The following NPAS4 variants were observed in gnomAD, a reference collection of about 807,000 sequenced individuals.
NPAS4 encodes the protein neuronal PAS domain protein 4.
NPAS4 carries 10 observed loss-of-function variants against 64.0 expected under a neutral mutation model. The ratio of observed to expected loss-of-function variants is 0.16; its 90% CI spans 0.10 to 0.26. NPAS4 has a LOEUF of 0.26. NPAS4 is among the 10% of genes least tolerant of loss of function. The pLI is 1.00. For synonymous variants in NPAS4, 441 were observed against 411.7 expected, an observed-to-expected ratio of 1.07 and a Z score of -0.86; for missense variants, 886 against 992.6, an observed-to-expected ratio of 0.89 and a Z score of 1.44.
In NPAS4 at chr11:66,424,791, G is replaced by A. The variant is rs762890272; in HGVS notation, c.1901G>A (p.Arg634His). 38 of 1,613,712 alleles carry A rather than the reference G, an allele frequency of 2.4e-5. No homozygotes were observed. Among genetic ancestry groups the A allele is most frequent in the East Asian group, 6.7e-5 (3 of 44,892 alleles). ...YSEKEQNEIDRLIQQISQLAQ... is the reference protein window; with the variant it reads ...YSEKEQNEIDHLIQQISQLAQ... The stretch of plus-strand genomic sequence containing the variant: ...GAAAAGGAGCAGAATGAGATAGACC[G>A]TCTCATCCAGCAGATTAGCCAATTG... Residue 634 changes from arginine (R) to histidine (H), a missense_variant, in exon 7 of 8, where the codon CGT becomes CAT. Physicochemically the swap from Arg to His is conservative, Grantham distance 29. Around this residue, in one of 3 missense-constraint regions of NPAS4, gnomAD observed 820 missense variants for 855.5 expected, o/e 0.96. Coordinates refer to ENST00000311034, the MANE Select transcript of NPAS4 (RefSeq NM_178864.4).
At position 66,426,079 on chromosome 11, in the gene NPAS4, T is replaced by C; in HGVS notation, c.*90T>C. On this transcript the variant is annotated 3_prime_UTR_variant, in exon 8 of 8. Transcript: ENST00000311034. ...ACCCCCCCGGGACTGTTGGGGGGAT[T>C]CTGAGGGCCAGAGGGGGATATATAT... is the stretch of plus-strand genomic sequence containing the variant. 1.0e-6 allele frequency: 1 copy of C among 976,486 alleles called. No individual in the cohort carries two copies. Among genetic ancestry groups the C allele is most frequent in the East Asian group, 2.5e-5 (1 of 39,992 alleles). The allele number at this position is 976,486 out of a possible 1,614,324, so 60.5% of individuals were successfully genotyped here.
At chr11:66,423,080 C>T in intron 4 of NPAS4, 43 bp from the exon 5 acceptor site, 1 of 1,520,100 alleles carries the variant, frequency 6.6e-7, no homozygotes, top group African/African-American at 1.4e-5. Context: ...GGGTATCAAG[C>T]AAGGAAAACA....
Position 66,422,544 on chromosome 11 carries a change from C to G in NPAS4, c.421C>G (p.Leu141Val), listed in dbSNP as rs748191401. The G allele has an allele frequency of 1.2e-6, 2 of 1,613,330 alleles. No individual in the cohort carries two copies. The highest frequency in any genetic ancestry group is 2.7e-5 in the African/African-American group (2 of 74,894). The change falls in exon 3 of 8, where the codon CTG becomes GTG. Residue 141 changes from leucine to valine, a missense_variant. This residue lies in a region of NPAS4 where 820 missense variants were observed against 855.5 expected (regional missense o/e 0.96). Coordinates refer to ENST00000311034, the MANE Select transcript of NPAS4 (RefSeq NM_178864.4). Reference protein sequence around the residue: ...VRQQLTLPSALDTDRLFRCRF... With the variant: ...VRQQLTLPSAVDTDRLFRCRF... Reference sequence around the variant, plus strand: ...CCAGCAACTCACCCTGCCCTCTGCCCTGGACACTGGTAAGGACTCCCTTCT... The same window carrying G: ...CCAGCAACTCACCCTGCCCTCTGCCGTGGACACTGGTAAGGACTCCCTTCT...
chr11:66,426,287 C>T lies in NPAS4; in HGVS notation c.*298C>T. The stretch of plus-strand genomic sequence containing the variant: ...ATGGGGGAGTCTCACTTCCCCGCCG[C>T]CTTGCCCCATTGGCCTGGGCCAGTT... On this transcript the variant is annotated 3_prime_UTR_variant, in exon 8 of 8. Transcript: ENST00000311034. 2.8e-6 allele frequency: 1 copy of T among 363,314 alleles called. No homozygotes were observed. The highest frequency in any genetic ancestry group is 5.2e-6 in the Non-Finnish European group (1 of 193,282). 22.5% of individuals were successfully genotyped at this position (363,314 alleles called of 1,614,324 possible).
chr11:66,425,792 T>A (rs1459895906), intron 7 of NPAS4, among the ~76,000 whole-genome samples, 169 bp from the exon 8 acceptor site: 1 of 152,226 alleles, frequency 6.6e-6, no homozygotes, highest in Admixed American at 6.5e-5. Flanking sequence ...AGCCACAGTT[T>A]CACTCCGTCC....
At chr11:66,425,696 T>C (rs1856829898) in intron 7 of NPAS4, among the ~76,000 whole-genome samples, 1 of 152,208 alleles carries the variant, frequency 6.6e-6, no homozygotes, top group African/African-American at 2.4e-5. Context: ...CAAGAATTTA[T>C]GCAAGTTGGT....
chr11:66,423,094 A>G (rs185932785), intron 4 of NPAS4, 29 bp from the exon 5 acceptor site: 1 of 1,549,448 alleles, frequency 6.5e-7, no homozygotes, highest in Admixed American at 1.8e-5. Flanking sequence ...GAAAACAGAA[A>G]GCTGACCTCA....
chr11:66,423,569 T>C lies in NPAS4; in HGVS notation c.809-9T>C. 6.2e-7 allele frequency: 1 copy of C among 1,613,828 alleles called. No homozygotes were observed. Among genetic ancestry groups the C allele is most frequent in the South Asian group, 1.1e-5 (1 of 91,060 alleles). On this transcript the variant is annotated splice_polypyrimidine_tract_variant and intron_variant, in intron 5 of 7. Coordinates refer to ENST00000311034, the MANE Select transcript of NPAS4 (RefSeq NM_178864.4). ...GGACATCCTAACTCTGCATCTTCTTTCTCCCCAGTGGCTGAGAGTGGAGAT... is the reference window on the plus strand; with the variant it reads ...GGACATCCTAACTCTGCATCTTCTTCCTCCCCAGTGGCTGAGAGTGGAGAT...
chr11:66,418,354 C>T (rs578036935), upstream of NPAS4, among the ~76,000 whole-genome samples: 4 of 152,256 alleles, frequency 2.6e-5, no homozygotes, highest in East Asian at 5.8e-4. Context: ...GTGTGCCAGC[C>T]GCCCCCCTCC....
At position 66,421,254 on chromosome 11, in the gene NPAS4, G is replaced by A. The variant is rs141939779; in HGVS notation, c.75G>A (p.Glu25=). The change falls in exon 1 of 8, where the codon GAG becomes GAA. Residue 25 remains glutamate, a synonymous_variant. Transcript: ENST00000311034. ...ACGCCGAGATCCGGAACCTCAAGGA[G>A]CTGCTGCCGCTGGCCGAAGCGGACA... ...QINAEIRNLK[E]LLPLAEADKV... 1 of 1,613,936 alleles carries A rather than the reference G, an allele frequency of 6.2e-7. No homozygotes were observed. The highest frequency in any genetic ancestry group is 8.5e-7 in the Non-Finnish European group (1 of 1,179,990).
chr11:66,426,070 TGGG>T lies in NPAS4; in HGVS notation c.*85_*87del. 1 of 922,216 alleles carries T rather than the reference TGGG, an allele frequency of 1.1e-6. No homozygotes were observed. Among genetic ancestry groups the T allele is most frequent in the Non-Finnish European group, 1.7e-6 (1 of 596,838 alleles). The allele number at this position is 922,216 out of a possible 1,614,324, so 57.1% of individuals were successfully genotyped here. A position where few individuals can be genotyped will look rare whatever the true frequency, so the allele number is the denominator to read the frequency against. On this transcript the variant is annotated 3_prime_UTR_variant, in exon 8 of 8. Coordinates refer to ENST00000311034, the MANE Select transcript of NPAS4 (RefSeq NM_178864.4). ...CCGCTCTCCACCCCCCCGGGACTGT[TGGG>T]GGGATTCTGAGGGCCAGAGGGGGAT...
At position 66,423,615 on chromosome 11, in the gene NPAS4, G is replaced by T. The variant is rs1207751480; in HGVS notation, c.846G>T (p.Val282=). ...GAGATATTCAGGCAGAGATGGTGGTGAGGCTACAGGCCAAGACTGGAGGCT... is the reference window on the plus strand; with the variant it reads ...GAGATATTCAGGCAGAGATGGTGGTTAGGCTACAGGCCAAGACTGGAGGCT... ...ESGDIQAEMV[V]RLQAKTGGWA... The change falls in exon 6 of 8, where the codon GTG becomes GTT. Residue 282 remains valine, a synonymous_variant. Coordinates refer to ENST00000311034, the MANE Select transcript of NPAS4 (RefSeq NM_178864.4). 1 of 1,614,058 alleles carries T rather than the reference G, an allele frequency of 6.2e-7. No homozygotes were observed. Among genetic ancestry groups the T allele is most frequent in the African/African-American group, 1.3e-5 (1 of 74,910 alleles).
the NPAS4 span, among the ~76,000 whole-genome samples, chr11:66,412,770 G>A: frequency 3.0e-4 from 46 of 152,328 alleles, no homozygotes; most frequent in Admixed American, 4.6e-4. Context: ...ATGTCACAAA[G>A]GCAGTCTGTG....
At position 66,423,203 on chromosome 11, in the gene NPAS4, C is replaced by G; in HGVS notation, c.779C>G (p.Ala260Gly). ...GGACTGCTGCACCCCGAGGACCTGGCCCACGCTTCTGCTCAACACTACCGC... is the reference window on the plus strand; with the variant it reads ...GGACTGCTGCACCCCGAGGACCTGGGCCACGCTTCTGCTCAACACTACCGC... The part of the protein sequence containing the change: ...WYGLLHPEDL[A>G]HASAQHYRLL... The change falls in exon 5 of 8, where the codon GCC (alanine) becomes GGC (glycine). Residue 260 changes from alanine (A) to glycine (G), a missense_variant. Around this residue, in one of 3 missense-constraint regions of NPAS4, gnomAD observed 820 missense variants for 855.5 expected, o/e 0.96. Transcript: ENST00000311034. 1 of 1,609,102 alleles carries G rather than the reference C, an allele frequency of 6.2e-7. No homozygotes were observed. Among genetic ancestry groups the G allele is most frequent in the Non-Finnish European group, 8.5e-7 (1 of 1,177,022 alleles).
chr11:66,411,536 G>C, the NPAS4 span, among the ~76,000 whole-genome samples: 1 of 152,336 alleles, frequency 6.6e-6, no homozygotes, highest in South Asian at 2.1e-4. Flanking sequence ...TTGGCAGAAG[G>C]CTCTCCCAAC....
upstream of NPAS4, among the ~76,000 whole-genome samples, chr11:66,419,534 T>G (rs189646779): frequency 3.3e-3 from 500 of 152,276 alleles, 5 homozygotes; most frequent in Admixed American, 5.4e-3. Flanking sequence ...GCCACTTAAG[T>G]GATTCCATGC....
In NPAS4 at chr11:66,423,106, C is replaced by G. The variant is rs745386566; in HGVS notation, c.699-17C>G. 2.5e-5 allele frequency: 39 copies of G among 1,573,880 alleles called. No individual in the cohort carries two copies. The highest frequency in any genetic ancestry group is 3.2e-5 in the Non-Finnish European group (37 of 1,149,430). On this transcript the variant is annotated splice_polypyrimidine_tract_variant and intron_variant, in intron 4 of 7. Transcript: ENST00000311034. The stretch of plus-strand genomic sequence containing the variant: ...AAGGAAAACAGAAAGCTGACCTCAC[C>G]CTTTCCACCTTCCCAGTGTCCTAAT...
rs1265723207 is a variant in NPAS4 at position 66,424,880 on chromosome 11, G to A, written c.1990G>A (p.Gly664Arg). 6.2e-7 allele frequency: 1 copy of A among 1,613,260 alleles called. No individual in the cohort carries two copies. Among genetic ancestry groups the A allele is most frequent in the Non-Finnish European group, 8.5e-7 (1 of 1,179,742 alleles). The change falls in exon 7 of 8, where the codon GGA becomes AGA. Residue 664 changes from glycine (G) to arginine (R), a missense_variant. This residue lies in a region of NPAS4 where 820 missense variants were observed against 855.5 expected (regional missense o/e 0.96). Coordinates refer to ENST00000311034, the MANE Select transcript of NPAS4 (RefSeq NM_178864.4). ...AGTGGLEPLG[G>R]LEPLDSNLSL... is the part of the protein sequence containing the mutation. ...CACTGGCGGACTAGAGCCACTTGGA[G>A]GACTGGAGCCCCTGGACTCCAACCT...
intron 5 of NPAS4, 143 bp from the exon 6 acceptor site, chr11:66,423,435 G>T (rs1463431752): frequency 3.0e-6 from 3 of 988,350 alleles, no homozygotes; most frequent in Non-Finnish European, 4.6e-6. Flanking sequence ...TGAGGTCAAG[G>T]TAGAGAGCTG....
Sources: gnomAD v4.1 joint callset for allele counts (sites outside exome capture counted in the v4.1 genomes callset) on GRCh38, gnomAD v4.1.1 for gene constraint, gnomAD v4.1.1 regional missense constraint, MANE v1.5 for transcripts, NCBI Gene and HGNC (gene_info 2026-07-23, HGNC 2026-07-21) for gene names.